Variants in KIAA1614 observed in about 807,000 individuals in gnomAD.
The protein encoded by KIAA1614 is uncharacterized protein KIAA1614.
KIAA1614 carries 76 observed loss-of-function variants against 88.7 expected under a neutral mutation model. That is an observed-to-expected ratio of 0.86 (90% CI 0.71 to 1.04). KIAA1614 has a LOEUF of 1.04. Ranked by LOEUF, KIAA1614 falls within the 50% of genes least tolerant of loss-of-function variation. The pLI is 0.00. For synonymous variants in KIAA1614, 714 were observed against 675.5 expected, an observed-to-expected ratio of 1.06 and a Z score of -0.88; for missense variants, 1,553 against 1,582.5, an observed-to-expected ratio of 0.98 and a Z score of 0.32.
chr1:180,913,376 C>A (rs931019272), intron 1 of KIAA1614, 83 bp downstream of exon 1: 126 of 954,308 alleles, frequency 1.3e-4, no homozygotes, highest in Non-Finnish European at 1.6e-4. Flanking sequence ...CCCAGGTCGC[C>A]CCGGCCACTG....
In KIAA1614 at chr1:180,941,116, G is replaced by A. The variant is rs540904228; in HGVS notation, c.2990G>A (p.Ser997Asn). 1.7e-4 allele frequency: 275 copies of A among 1,612,828 alleles called. No homozygotes were observed. The South Asian group carries it at 2.9e-3, about 17-fold the overall frequency. ...AAPLDQNKKR[S>N]SSIASTLGLK... ...CCTTTGGACCAGAACAAGAAAAGGAGCAGCAGCATAGCCTCCACCCTGGGG... is the reference window on the plus strand; with the variant it reads ...CCTTTGGACCAGAACAAGAAAAGGAACAGCAGCATAGCCTCCACCCTGGGG... Residue 997 changes from serine to asparagine, a missense_variant, in exon 7 of 9, where the codon AGC becomes AAC. Physicochemically the swap from Ser to Asn is conservative, Grantham distance 46 (BLOSUM62 1). Transcript: ENST00000367588.
chr1:180,921,543 G>A (rs1653952014), intron 3 of KIAA1614, among the ~76,000 whole-genome samples: 1 of 152,162 alleles, frequency 6.6e-6, no homozygotes, highest in South Asian at 2.1e-4. Flanking sequence ...CCCAAGGGCT[G>A]CGCTCTTGCC....
chr1:180,922,900 T>C (rs1653986998), intron 3 of KIAA1614, among the ~76,000 whole-genome samples: 1 of 152,226 alleles, frequency 6.6e-6, no homozygotes, highest in African/African-American at 2.4e-5. Context: ...CAATTGCAAG[T>C]CCCAGGTTGT....
rs951046279 is a variant in KIAA1614, at chr1:180,938,621, C to T, written c.2828C>T (p.Ser943Phe). The change falls in exon 6 of 9, where the codon TCC (serine) becomes TTC (phenylalanine). Residue 943 changes from serine to phenylalanine, a missense_variant. Coordinates refer to ENST00000367588, the MANE Select transcript of KIAA1614 (RefSeq NM_020950.2). Reference sequence around the variant, plus strand: ...ATCAACTCCACGGGCATCACCCTCTCCCTGTCCTCAGAGGAGTCAGAGTCC... The same window carrying T: ...ATCAACTCCACGGGCATCACCCTCTTCCTGTCCTCAGAGGAGTCAGAGTCC... ...ATINSTGITLSLSSEESESSK... is the reference protein window; with the variant it reads ...ATINSTGITLFLSSEESESSK... 1.9e-6 allele frequency: 3 copies of T among 1,614,192 alleles called. No homozygotes were observed. The African/African-American group carries it at 4.0e-5, about 22-fold the overall frequency.
intron 6 of KIAA1614, among the ~76,000 whole-genome samples, chr1:180,940,512 A>C (rs974759132): frequency 6.6e-6 from 1 of 152,072 alleles, no homozygotes; most frequent in Admixed American, 6.5e-5. Flanking sequence ...AAAAAGAAAA[A>C]AAATATACAC....
In KIAA1614 at chr1:180,913,238, C is replaced by A; in HGVS notation, c.-6C>A. The A allele has an allele frequency of 1.6e-6, 2 of 1,263,288 alleles. No individual in the cohort carries two copies. Among genetic ancestry groups the A allele is most frequent in the East Asian group, 3.2e-5 (1 of 31,720 alleles). 78.3% of individuals were successfully genotyped at this position (1,263,288 alleles called of 1,614,324 possible). ...GGGGCTGGAGAGGGCCTGGCCTCTC[C>A]GAGGGATGGAGGGGACAGAGGCGGC... On this transcript the variant is annotated 5_prime_UTR_variant, in exon 1 of 9. Coordinates refer to ENST00000367588, the MANE Select transcript of KIAA1614 (RefSeq NM_020950.2).
intron 1 of KIAA1614, among the ~76,000 whole-genome samples, chr1:180,915,265 G>T (rs1425326655): frequency 1.3e-5 from 2 of 152,240 alleles, no homozygotes; most frequent in African/African-American, 2.4e-5. Flanking sequence ...TTGTGCATCA[G>T]GGGTCAGGGG....
Position 180,936,208 on chromosome 1 carries a change from A to G in KIAA1614, c.2299A>G (p.Thr767Ala), listed in dbSNP as rs144874037. ...SSGPGGQAQV[T>A]ESHESLEIVS... ...GGGGCCAGGAGGCCAGGCCCAGGTT[A>G]CAGAAAGCCACGAGTCCCTGGAAAT... Residue 767 changes from threonine to alanine, a missense_variant, in exon 5 of 9, where the codon ACA (threonine) becomes GCA (alanine). Coordinates refer to ENST00000367588, the MANE Select transcript of KIAA1614 (RefSeq NM_020950.2). 163 of 1,614,160 alleles carry G rather than the reference A, an allele frequency of 1.0e-4. No homozygotes were observed. The African/African-American group carries it at 2.0e-3, about 19-fold the overall frequency.
Position 180,917,880 on chromosome 1 carries a change from T to C in KIAA1614, c.1027T>C (p.Ser343Pro). 1 of 1,613,980 alleles carries C rather than the reference T, an allele frequency of 6.2e-7. No homozygotes were observed. ...ERPVGDVDWASGTSLQDSGQN... is the reference protein window; with the variant it reads ...ERPVGDVDWAPGTSLQDSGQN... Reference sequence around the variant, plus strand: ...ACCAGTGGGGGATGTGGACTGGGCCTCGGGCACCTCCTTGCAGGACTCCGG... The same window carrying C: ...ACCAGTGGGGGATGTGGACTGGGCCCCGGGCACCTCCTTGCAGGACTCCGG... The change falls in exon 3 of 9, where the codon TCG (serine) becomes CCG (proline). Residue 343 changes from serine (S) to proline (P), a missense_variant. Transcript: ENST00000367588.
intron 4 of KIAA1614, among the ~76,000 whole-genome samples, chr1:180,931,292 G>T (rs1654192425): frequency 6.6e-6 from 1 of 152,134 alleles, no homozygotes; most frequent in South Asian, 2.1e-4. Flanking sequence ...TACTGTCCTG[G>T]GTCAGAGAGA....
intron 6 of KIAA1614, among the ~76,000 whole-genome samples, chr1:180,939,744 C>T (rs920630626): frequency 6.6e-6 from 1 of 152,214 alleles, no homozygotes; most frequent in Admixed American, 6.5e-5. Context: ...TTTTTCCCTG[C>T]ACTTGAAGTA....
Position 180,936,654 on chromosome 1 carries a change from G to A in KIAA1614, c.2745G>A (p.Leu915=), listed in dbSNP as rs201348973. The stretch of plus-strand genomic sequence containing the variant: ...GCAGCCGGGAACCGGAGCCGCCCCT[G>A]GAGAACAGCAGAGATGGTAAGGGGC... ...GPCSREPEPP[L]ENSRDGGPQG... The change falls in exon 5 of 9, where the codon CTG becomes CTA. Residue 915 remains leucine (L), a synonymous_variant. Transcript: ENST00000367588. The A allele has an allele frequency of 2.6e-6, 4 of 1,548,274 alleles. No individual in the cohort carries two copies. Among genetic ancestry groups the A allele is most frequent in the Non-Finnish European group, 3.5e-6 (4 of 1,151,502 alleles).
At chr1:180,922,439 G>T (rs911540814) in intron 3 of KIAA1614, among the ~76,000 whole-genome samples, 1 of 152,110 alleles carries the variant, frequency 6.6e-6, no homozygotes, top group African/African-American at 2.4e-5. Flanking sequence ...CGAGGGGAAG[G>T]GGAGGGCGGG....
chr1:180,923,034 T>C (rs1299274018), intron 3 of KIAA1614, among the ~76,000 whole-genome samples: 1 of 152,216 alleles, frequency 6.6e-6, no homozygotes, highest in Non-Finnish European at 1.5e-5. Context: ...CCATTTCTTA[T>C]GAAGAATGTT....
chr1:180,946,256 T>C lies in KIAA1614; in HGVS notation c.*668T>C, dbSNP rs1654592604. ...GTTCCTTTCCTCCGGCTGTGGAGTA[T>C]GTCTGGGCACGTGGAGCATGCCTGT... On this transcript the variant is annotated 3_prime_UTR_variant, in exon 9 of 9. Coordinates refer to ENST00000367588, the MANE Select transcript of KIAA1614 (RefSeq NM_020950.2). 6.6e-6 allele frequency: 1 copy of C among 152,252 alleles called. No homozygotes were observed. Among genetic ancestry groups the C allele is most frequent in the African/African-American group, 2.4e-5 (1 of 41,426 alleles). 9.4% of individuals were successfully genotyped at this position (152,252 alleles called of 1,614,324 possible).
chr1:180,950,304 G>A lies in KIAA1614; in HGVS notation c.*4716G>A. The A allele has an allele frequency of 8.8e-7, 1 of 1,142,356 alleles. No individual in the cohort carries two copies. Among genetic ancestry groups the A allele is most frequent in the South Asian group, 1.7e-5 (1 of 60,042 alleles). 70.8% of individuals were successfully genotyped at this position (1,142,356 alleles called of 1,614,324 possible). A position where few individuals can be genotyped will look rare whatever the true frequency, so the allele number is the denominator to read the frequency against. ...TCCAGAGATGCACTTCTTCGATTTG[G>A]GTGTCATTGTGAAATTCTCCTGTTT... On this transcript the variant is annotated 3_prime_UTR_variant, in exon 9 of 9. Transcript: ENST00000367588.
At chr1:180,923,762 G>A (rs919761580) in intron 3 of KIAA1614, among the ~76,000 whole-genome samples, 1 of 152,016 alleles carries the variant, frequency 6.6e-6, no homozygotes, top group East Asian at 1.9e-4. Flanking sequence ...GAGTGCGGGA[G>A]AAGAGACACT....
At position 180,935,869 on chromosome 1, in the gene KIAA1614, C is replaced by T; in HGVS notation, c.1960C>T (p.Pro654Ser). 3 of 1,613,820 alleles carry T rather than the reference C, an allele frequency of 1.9e-6. No individual in the cohort carries two copies. The highest frequency in any genetic ancestry group is 1.7e-6 in the Non-Finnish European group (2 of 1,179,926). ...SPRLRLRGSR[P>S]RGHRWSKKAE... ...GCGACTGCGACTGCGGGGCTCCAGGCCTCGAGGCCACAGGTGGTCCAAGAA... is the reference window on the plus strand; with the variant it reads ...GCGACTGCGACTGCGGGGCTCCAGGTCTCGAGGCCACAGGTGGTCCAAGAA... Residue 654 changes from proline (P) to serine (S), a missense_variant, in exon 5 of 9, where the codon CCT (proline) becomes TCT (serine). Physicochemically the swap from Pro to Ser is moderately conservative, Grantham distance 74 (BLOSUM62 -1). Coordinates refer to ENST00000367588, the MANE Select transcript of KIAA1614 (RefSeq NM_020950.2). This position sits in a 1 kb window ranked among gnomAD's most constrained non-coding sequence, Gnocchi z 6.1.
intron 3 of KIAA1614, among the ~76,000 whole-genome samples, chr1:180,927,914 C>G (rs926017935): frequency 1.3e-5 from 2 of 152,196 alleles, no homozygotes; most frequent in Non-Finnish European, 2.9e-5. Flanking sequence ...AGGGCCCAAT[C>G]TATGCTGGAC....
Sources: allele counts gnomAD v4.1 joint callset (sites outside exome capture counted in the v4.1 genomes callset), GRCh38; gene constraint gnomAD v4.1.1; non-coding constraint Gnocchi (gnomAD v3.1); transcripts MANE v1.5; gene names NCBI Gene and HGNC (gene_info 2026-07-23, HGNC 2026-07-21).